Variants in RPS19 observed in about 807,000 individuals in gnomAD.
RPS19 encodes ribosomal protein S19, also known as small ribosomal subunit protein eS19.
Under a neutral mutation model 20.3 loss-of-function variants are expected in RPS19, and 1 was observed. The observed-to-expected ratio is 0.05, with a 90% CI of 0.02 to 0.23. RPS19 has a LOEUF of 0.23. RPS19 is among the 10% of genes least tolerant of loss of function. The probability of loss-of-function intolerance (pLI) is 1.00; values close to 1 mark genes in which losing one functional copy is unlikely to be tolerated. For missense variants in RPS19, 111 were observed against 192.7 expected (o/e 0.58, Z 2.51); for synonymous variants, 87 against 74.8 (o/e 1.16, Z -0.84).
At chr19:41,870,401 G>T (rs2074134643) in intron 5 of RPS19, among the ~76,000 whole-genome samples, 1 of 152,148 alleles carries the variant, frequency 6.6e-6, no homozygotes, top group Non-Finnish European at 1.5e-5. Flanking sequence ...GGCTGCTTGG[G>T]AGAGGTGGAG....
chr19:41,865,908 C>G (rs1201182884), intron 3 of RPS19, among the ~76,000 whole-genome samples: 2 of 135,658 alleles, frequency 1.5e-5, no homozygotes, highest in Non-Finnish European at 3.1e-5. Context: ...GAGATCACGC[C>G]ACTGCACTCC....
In RPS19 at chr19:41,872,363, C is replaced by T. The variant is rs1016543420; in HGVS notation, c.*986C>T. On this transcript the variant is annotated 3_prime_UTR_variant, in exon 6 of 6. Coordinates refer to ENST00000598742, the MANE Select transcript of RPS19 (RefSeq NM_001022.4). ...CCCCTGTCCAAATTATTCCTGGGAT[C>T]TGACCCATTTCCTGGAAAGGGGCGA... 2 of 152,294 alleles carry T rather than the reference C, an allele frequency of 1.3e-5. No individual in the cohort carries two copies. The highest frequency in any genetic ancestry group is 2.9e-5 in the Non-Finnish European group (2 of 68,068). The allele number at this position is 152,294 out of a possible 1,614,324, so 9.4% of individuals were successfully genotyped here. A position where few individuals can be genotyped will look rare whatever the true frequency, so the allele number is the denominator to read the frequency against.
chr19:41,868,806 C>T (rs2074114656), intron 3 of RPS19, among the ~76,000 whole-genome samples: 1 of 151,914 alleles, frequency 6.6e-6, no homozygotes, highest in East Asian at 1.9e-4. Flanking sequence ...AAGAAGTTGG[C>T]CCTGGAGATG....
At chr19:41,866,861 A>G (rs1367404877) in intron 3 of RPS19, among the ~76,000 whole-genome samples, 3 of 151,702 alleles carry the variant, frequency 2.0e-5, no homozygotes, top group Non-Finnish European at 4.4e-5. Context: ...CTAAAAATAC[A>G]AAAAAATTAG....
chr19:41,861,242 T>A, intron 3 of RPS19, 30 bp downstream of exon 3: 2 of 1,524,122 alleles, frequency 1.3e-6, no homozygotes, highest in South Asian at 2.2e-5. Context: ...GGCTGGAGAG[T>A]GGGGAGCTGG....
At chr19:41,870,305 C>T (rs1208048954) in intron 5 of RPS19, among the ~76,000 whole-genome samples, 1 of 152,044 alleles carries the variant, frequency 6.6e-6, no homozygotes, top group African/African-American at 2.4e-5. Context: ...CCACAGAGCA[C>T]ATAGCTGTAC....
chr19:41,861,613 T>C, intron 3 of RPS19: 1 of 336,532 alleles, frequency 3.0e-6, no homozygotes, highest in South Asian at 2.5e-5. Context: ...TGGGACTAAT[T>C]ATTGTACCAG....
intron 5 of RPS19, among the ~76,000 whole-genome samples, chr19:41,870,597 G>A (rs1011111656): frequency 2.0e-5 from 3 of 152,102 alleles, no homozygotes; most frequent in Non-Finnish European, 4.4e-5. Flanking sequence ...TACAGCAGGA[G>A]CACCCAGGGC....
intron 3 of RPS19, among the ~76,000 whole-genome samples, chr19:41,862,951 C>T (rs1195642898): frequency 6.6e-6 from 1 of 152,230 alleles, no homozygotes; most frequent in Non-Finnish European, 1.5e-5. Context: ...TGTGTATCTA[C>T]ATGCACAAGG....
intron 3 of RPS19, chr19:41,864,515 G>A (rs1555840017): frequency 6.6e-6 from 1 of 152,292 alleles, no homozygotes; most frequent in Non-Finnish European, 1.5e-5. Flanking sequence ...GCTGAGCTGT[G>A]ATGACTCCTA....
chr19:41,862,435 TC>T (rs1221590412), intron 3 of RPS19, among the ~76,000 whole-genome samples: 4 of 152,096 alleles, frequency 2.6e-5, no homozygotes, highest in Admixed American at 1.3e-4. Flanking sequence ...GAAGCTGACT[TC>T]CCTGGGCGCA....
chr19:41,869,596 C>A, intron 4 of RPS19, 103 bp from the exon 5 acceptor site: 4 of 1,273,322 alleles, frequency 3.1e-6, no homozygotes, highest in Non-Finnish European at 4.5e-6. Flanking sequence ...ACTTGGCTGG[C>A]GGCAGGTGGC....
At chr19:41,867,838 G>A (rs191412713) in intron 3 of RPS19, among the ~76,000 whole-genome samples, 2 of 152,110 alleles carry the variant, frequency 1.3e-5, no homozygotes, top group African/African-American at 2.4e-5. Flanking sequence ...GCACTAATAC[G>A]GTGTAAATAA....
rs1426815227 is a variant in RPS19 at position 41,871,327 on chromosome 19, T to A, written c.412-24T>A. ...CAGCAGAGACCCCCTTGACTAACTTTTATTCTTCCATCTTTTCCCACAGGT... is the reference window on the plus strand; with the variant it reads ...CAGCAGAGACCCCCTTGACTAACTTATATTCTTCCATCTTTTCCCACAGGT... On this transcript the variant is annotated intron_variant, in intron 5 of 5. Coordinates refer to ENST00000598742, the MANE Select transcript of RPS19 (RefSeq NM_001022.4). The A allele has an allele frequency of 2.5e-6, 4 of 1,613,264 alleles. No homozygotes were observed. In the African/African-American group the frequency reaches 5.3e-5, roughly 22 times the overall value.
intron 4 of RPS19, 30 bp from the exon 5 acceptor site, chr19:41,869,668 TG>T: frequency 6.2e-7 from 1 of 1,611,760 alleles, no homozygotes; most frequent in South Asian, 1.1e-5. Context: ...CTGTGCTCAC[TG>T]GGGCCTGCAT....
intron 3 of RPS19, 127 bp downstream of exon 3, chr19:41,861,339 A>G (rs138585780): frequency 2.8e-6 from 2 of 724,532 alleles, no homozygotes; most frequent in East Asian, 2.7e-5. Flanking sequence ...TTGTGTCACC[A>G]CTTGCTTTGT....
intron 3 of RPS19, among the ~76,000 whole-genome samples, chr19:41,863,424 C>T (rs1600612724): frequency 6.6e-6 from 1 of 152,136 alleles, no homozygotes; most frequent in South Asian, 2.1e-4. Context: ...CTGCAAGTTA[C>T]CCTGGGAGGG....
intron 2 of RPS19, 28 bp from the exon 3 acceptor site, chr19:41,861,084 C>G: frequency 6.4e-7 from 1 of 1,564,816 alleles, no homozygotes; most frequent in Non-Finnish European, 8.8e-7. Context: ...ATGACTGAAT[C>G]GTGCTTTTCC....
In RPS19 at chr19:41,871,310, A is replaced by AC. The variant is rs1555841965; in HGVS notation, c.412-36dup. ...GCTGTTACAAAGTGCCCCAGCAGAG[A>AC]CCCCCTTGACTAACTTTTATTCTTC... On this transcript the variant is annotated intron_variant, in intron 5 of 5. Coordinates refer to ENST00000598742, the MANE Select transcript of RPS19 (RefSeq NM_001022.4). The AC allele has an allele frequency of 1.9e-6, 3 of 1,608,126 alleles. No homozygotes were observed. In the Admixed American group the frequency reaches 5.0e-5, roughly 27 times the overall value.
Sources: gnomAD v4.1 joint callset for allele counts (sites outside exome capture counted in the v4.1 genomes callset) on GRCh38, gnomAD v4.1.1 for gene constraint, MANE v1.5 for transcripts, NCBI Gene and HGNC (gene_info 2026-07-23, HGNC 2026-07-21) for gene names.